The following LRP5 variants were observed in gnomAD, a reference collection of about 807,000 sequenced individuals.
LRP5 encodes the protein low-density lipoprotein receptor-related protein 5.
LRP5 carries 62 observed loss-of-function variants against 154.1 expected under a neutral mutation model. The observed-to-expected ratio is 0.40, with a 90% CI of 0.33 to 0.50. LRP5 has a LOEUF of 0.50. Among genes scored for constraint, LRP5 ranks in the 20% least tolerant of loss-of-function variants. The probability of loss-of-function intolerance (pLI) is 0.55; values close to 1 mark genes in which losing one functional copy is unlikely to be tolerated. For missense variants in LRP5, 1,915 were observed against 2,336.7 expected (o/e 0.82, Z 3.72); for synonymous variants, 966 against 1,011.5 (o/e 0.96, Z 0.85).
At chr11:68,429,785 A>G in intron 17 of LRP5, 85 bp downstream of exon 17, 1 of 1,569,286 alleles carries the variant, frequency 6.4e-7, no homozygotes, top group African/African-American at 1.3e-5. Flanking sequence ...CATCCTTTTA[A>G]AATCACAGTC....
At chr11:68,425,062 C>G in intron 14 of LRP5, 40 bp from the exon 15 acceptor site, 1 of 1,592,910 alleles carries the variant, frequency 6.3e-7, no homozygotes, top group Non-Finnish European at 8.6e-7. Context: ...CGAGGAGACG[C>G]CATCCCCACA....
In LRP5 at chr11:68,425,298, C is replaced by T. The variant is rs373992140; in HGVS notation, c.3427+6C>T. 36 of 1,602,106 alleles carry T rather than the reference C, an allele frequency of 2.2e-5. No individual in the cohort carries two copies. The highest frequency in any genetic ancestry group is 2.0e-4 in the Middle Eastern group (1 of 4,962). Reference sequence around the variant, plus strand: ...TGAGAGCTGTGACCTGTCAGGTACGCGCCCCGGGGCCTGCCCTAACCGCAG... The same window carrying T: ...TGAGAGCTGTGACCTGTCAGGTACGTGCCCCGGGGCCTGCCCTAACCGCAG... On this transcript the variant is annotated splice_donor_region_variant and intron_variant, in intron 15 of 22. Transcript: ENST00000294304.
At position 68,413,712 on chromosome 11, in the gene LRP5, G is replaced by A. The variant is rs2098660856; in HGVS notation, c.2527G>A (p.Asp843Asn). 1.9e-6 allele frequency: 3 copies of A among 1,613,774 alleles called. No individual in the cohort carries two copies. Among genetic ancestry groups the A allele is most frequent in the South Asian group, 1.1e-5 (1 of 91,074 alleles). Residue 843 changes from aspartate (D) to asparagine (N), a missense_variant, in exon 12 of 23, where the codon GAC becomes AAC. Asp to Asn is a conservative substitution (Grantham distance 23). Around this residue, in one of 3 missense-constraint regions of LRP5, gnomAD observed 1,094 missense variants for 1,210.1 expected, o/e 0.90. Coordinates refer to ENST00000294304, the MANE Select transcript of LRP5 (RefSeq NM_002335.4). The surrounding 1 kb of genome is among the most constrained non-coding windows in gnomAD (Gnocchi z 5.1). ...MLGQERVVIA[D>N]DLPHPFGLTQ... ...AGGTCAGGAGCGGGTCGTGATTGCC[G>A]ACGATCTCCCGCACCCGTTCGGTCT... is the stretch of plus-strand genomic sequence containing the variant.
Position 68,413,916 on chromosome 11 carries a change from G to T in LRP5, c.2731G>T (p.Gly911Trp). ...CCTCAATGACTGTATGCACAACAAC[G>T]GGCAGTGTGGGCAGCTGTGCCTTGC... is the stretch of plus-strand genomic sequence containing the variant. Reference protein sequence around the residue: ...DGLNDCMHNNGQCGQLCLAIP... With the variant: ...DGLNDCMHNNWQCGQLCLAIP... The change falls in exon 12 of 23, where the codon GGG becomes TGG. Residue 911 changes from glycine (G) to tryptophan (W), a missense_variant. Around this residue, in one of 3 missense-constraint regions of LRP5, gnomAD observed 1,094 missense variants for 1,210.1 expected, o/e 0.90. Coordinates refer to ENST00000294304, the MANE Select transcript of LRP5 (RefSeq NM_002335.4). The surrounding 1 kb of genome is among the most constrained non-coding windows in gnomAD (Gnocchi z 5.1). The T allele has an allele frequency of 6.2e-7, 1 of 1,612,060 alleles. No homozygotes were observed.
intron 18 of LRP5, among the ~76,000 whole-genome samples, chr11:68,434,782 C>T (rs1042526834): frequency 2.8e-5 from 4 of 140,394 alleles, no homozygotes; most frequent in African/African-American, 7.5e-5. Flanking sequence ...CCCTCGCTCT[C>T]CCAGAGCCAC....
chr11:68,414,148 G>T, intron 12 of LRP5, 136 bp downstream of exon 12: 1 of 819,774 alleles, frequency 1.2e-6, no homozygotes, highest in South Asian at 1.5e-5. Context: ...CACTGCACAA[G>T]CTGCATGATG....
At chr11:68,312,828 G>A in intron 1 of LRP5, 23 bp downstream of exon 1, 1 of 1,025,806 alleles carries the variant, frequency 9.7e-7, no homozygotes, top group East Asian at 9.5e-5. Context: ...AGGCCGGCCG[G>A]GGGCCGCGGG....
chr11:68,333,385 A>T (rs1347356724), intron 1 of LRP5, among the ~76,000 whole-genome samples: 1 of 152,234 alleles, frequency 6.6e-6, no homozygotes, highest in East Asian at 1.9e-4. Context: ...CATTCTTGGC[A>T]AACAGGTGTA....
At chr11:68,397,507 G>A (rs1459228666) in intron 7 of LRP5, among the ~76,000 whole-genome samples, 4 of 152,136 alleles carry the variant, frequency 2.6e-5, no homozygotes, top group African/African-American at 9.7e-5. Flanking sequence ...GCCATGGTGG[G>A]GACATCCTGC....
chr11:68,323,864 C>T (rs978722971), intron 1 of LRP5, among the ~76,000 whole-genome samples: 3 of 152,242 alleles, frequency 2.0e-5, no homozygotes, highest in Non-Finnish European at 4.4e-5. Context: ...GGTCGCTGCT[C>T]AGGGGGCCCA....
At chr11:68,312,838 G>C (rs2098589489) in intron 1 of LRP5, 33 bp downstream of exon 1, 2 of 1,012,842 alleles carry the variant, frequency 2.0e-6, no homozygotes, top group Admixed American at 5.8e-5. Flanking sequence ...GGGGCCGCGG[G>C]TTGCTCGGAC....
intron 11 of LRP5, 126 bp downstream of exon 11, chr11:68,411,746 AC>A: frequency 1.0e-6 from 1 of 999,636 alleles, no homozygotes; most frequent in Non-Finnish European, 1.5e-6. Context: ...CTGTGGCCAC[AC>A]CCACGACTGC....
chr11:68,298,622 C>G, the LRP5 span, among the ~76,000 whole-genome samples: 2 of 152,304 alleles, frequency 1.3e-5, no homozygotes, highest in Admixed American at 1.3e-4. Flanking sequence ...GGCTCAGTGC[C>G]AGGCCCAGCT....
At chr11:68,339,645 CATA>C (rs1245650298) in intron 1 of LRP5, among the ~76,000 whole-genome samples, 3 of 152,142 alleles carry the variant, frequency 2.0e-5, no homozygotes, top group African/African-American at 7.2e-5. Flanking sequence ...CATACCTGGC[CATA>C]ATATTCGTTT....
chr11:68,342,420 G>C (rs1288844438), intron 1 of LRP5, among the ~76,000 whole-genome samples: 1 of 152,138 alleles, frequency 6.6e-6, no homozygotes, highest in African/African-American at 2.4e-5. Flanking sequence ...CACAGGCCCT[G>C]GTAGGGAGGA....
At chr11:68,426,859 G>A (rs2098669075) in intron 16 of LRP5, among the ~76,000 whole-genome samples, 1 of 152,234 alleles carries the variant, frequency 6.6e-6, no homozygotes, top group Non-Finnish European at 1.5e-5. Flanking sequence ...GCTCTGTGGA[G>A]AAATTAGCTT....
chr11:68,357,995 T>C, intron 3 of LRP5, 148 bp downstream of exon 3: 1 of 771,640 alleles, frequency 1.3e-6, no homozygotes, highest in South Asian at 1.5e-5. Context: ...TGGAACAGCG[T>C]CAGGGTCTGT....
At chr11:68,313,066 G>A (rs2098589775) in intron 1 of LRP5, among the ~76,000 whole-genome samples, 1 of 147,274 alleles carries the variant, frequency 6.8e-6, no homozygotes, top group African/African-American at 2.5e-5. Context: ...CAGGTGCGGC[G>A]CGGGCGGGTC....
At chr11:68,436,846 G>A (rs768087303) in intron 18 of LRP5, 43 bp from the exon 19 acceptor site, 30 of 1,473,776 alleles carry the variant, frequency 2.0e-5, no homozygotes, top group Middle Eastern at 3.4e-4. Context: ...GTGGGCTGGG[G>A]GGCACCCTCC....
Sources: allele counts gnomAD v4.1 joint callset (sites outside exome capture counted in the v4.1 genomes callset), GRCh38; gene constraint gnomAD v4.1.1; regional missense constraint gnomAD v4.1.1; non-coding constraint Gnocchi (gnomAD v3.1); transcripts MANE v1.5; gene names NCBI Gene and HGNC (gene_info 2026-07-23, HGNC 2026-07-21).